Variants in TANC2 observed in about 807,000 individuals in gnomAD.
TANC2 encodes tetratricopeptide repeat, ankyrin repeat and coiled-coil containing 2.
In TANC2, 26 loss-of-function variants were observed where a neutral mutation model predicts 210.5. The ratio of observed to expected loss-of-function variants is 0.12; its 90% confidence interval spans 0.09 to 0.17. The LOEUF (loss-of-function observed/expected upper bound fraction) is 0.17, where lower values mean the gene tolerates loss of function less well. Ranked by LOEUF, TANC2 falls within the 10% of genes least tolerant of loss-of-function variation. TANC2 has a pLI of 1.00. For missense variants in TANC2, 2,129 were observed against 2,608.9 expected (o/e 0.82, Z 4.01); for synonymous variants, 931 against 967.1 (o/e 0.96, Z 0.69).
chr17:63,273,235 A>G (rs1324650296), intron 9 of TANC2, among the ~76,000 whole-genome samples: 1 of 152,166 alleles, frequency 6.6e-6, no homozygotes, highest in Admixed American at 6.5e-5. Context: ...ACAGTGAGCC[A>G]TGAGCCATTA....
Position 63,395,730 on chromosome 17 carries a change from CCT to C in TANC2, c.3052-9_3052-8del, listed in dbSNP as rs1291795497. The C allele has an allele frequency of 1.2e-6, 2 of 1,611,876 alleles. No individual in the cohort carries two copies. Among genetic ancestry groups the C allele is most frequent in the African/African-American group, 2.7e-5 (2 of 74,892 alleles). Reference sequence around the variant, plus strand: ...GTCTGTGTTCACACATATCTCCTGTCCTCTCCTCTTAGGTGGATCATTTGGAT... The same window carrying C: ...GTCTGTGTTCACACATATCTCCTGTCCTCCTCTTAGGTGGATCATTTGGAT... On this transcript the variant is annotated splice_polypyrimidine_tract_variant and intron_variant, in intron 17 of 27. Transcript: ENST00000689528.
intron 6 of TANC2, among the ~76,000 whole-genome samples, chr17:63,198,045 T>G (rs2041404022): frequency 6.6e-6 from 1 of 152,162 alleles, no homozygotes; most frequent in African/African-American, 2.4e-5. Flanking sequence ...AGAGTAAAAA[T>G]AAGTAAGTGC....
chr17:63,072,961 C>T (rs144453045), intron 2 of TANC2, among the ~76,000 whole-genome samples: 1,906 of 152,014 alleles, frequency 0.013, 7 homozygotes, highest in Non-Finnish European at 0.018. Flanking sequence ...AACAATAAAC[C>T]ATAGAATAAG....
At chr17:63,013,263 A>G (rs1357738734) in intron 2 of TANC2, among the ~76,000 whole-genome samples, 1 of 152,012 alleles carries the variant, frequency 6.6e-6, no homozygotes, top group African/African-American at 2.4e-5. Context: ...TTATGCGAGT[A>G]TAATTCTAGG....
chr17:63,307,392 G>A (rs905246230), intron 9 of TANC2, among the ~76,000 whole-genome samples: 1 of 152,042 alleles, frequency 6.6e-6, no homozygotes, highest in African/African-American at 2.4e-5. Context: ...CCTTTCCTAT[G>A]TTAGCAGGTG....
At chr17:63,314,868 G>A (rs1191460448) in intron 10 of TANC2, among the ~76,000 whole-genome samples, 199 bp downstream of exon 10, 1 of 152,150 alleles carries the variant, frequency 6.6e-6, no homozygotes, top group Non-Finnish European at 1.5e-5. Context: ...ACCTAAGCGT[G>A]ACTGAAGAAA....
chr17:63,033,903 AT>A (rs2034871781), intron 2 of TANC2, among the ~76,000 whole-genome samples: 1 of 152,056 alleles, frequency 6.6e-6, no homozygotes, highest in South Asian at 2.1e-4. Flanking sequence ...TTACTTTTTT[AT>A]TTTGGTGTTC....
At chr17:63,096,605 C>T (rs894848151) in intron 3 of TANC2, among the ~76,000 whole-genome samples, 1 of 152,114 alleles carries the variant, frequency 6.6e-6, no homozygotes, top group Non-Finnish European at 1.5e-5. Context: ...CTAGATAATA[C>T]TTCATTGTAT....
chr17:63,203,789 C>CA (rs1472917206), intron 7 of TANC2, among the ~76,000 whole-genome samples: 1 of 151,600 alleles, frequency 6.6e-6, no homozygotes, highest in Non-Finnish European at 1.5e-5. Flanking sequence ...AGCCAGTGGA[C>CA]ACCAAAAAAA....
At chr17:63,055,206 A>G (rs2035726614) in intron 2 of TANC2, among the ~76,000 whole-genome samples, 2 of 152,182 alleles carry the variant, frequency 1.3e-5, no homozygotes, top group South Asian at 4.1e-4. Context: ...CATAAATGAC[A>G]TTTCTTTACT....
rs951084078 is a variant in TANC2 at position 63,418,513 on chromosome 17, C to T, written c.4268+106C>T. 3 of 967,612 alleles carry T rather than the reference C, an allele frequency of 3.1e-6. No individual in the cohort carries two copies. The highest frequency in any genetic ancestry group is 4.6e-6 in the Non-Finnish European group (3 of 649,818). The allele number at this position is 967,612 out of a possible 1,614,324, so 59.9% of individuals were successfully genotyped here. On this transcript the variant is annotated intron_variant, in intron 27 of 27. Transcript: ENST00000689528. This position sits in a 1 kb window ranked among gnomAD's most constrained non-coding sequence, Gnocchi z 4.6. ...ATATGTACCCAAATACATCTCTGTC[C>T]TTGAGAACTGTCAGGGCCAAGCTTT... is the stretch of plus-strand genomic sequence containing the variant.
chr17:63,150,988 A>G (rs1258010848), intron 4 of TANC2: 1 of 151,812 alleles, frequency 6.6e-6, no homozygotes, highest in East Asian at 1.9e-4. Context: ...TCCAGTTTTC[A>G]GTGACTTTTA....
chr17:63,091,443 CCCAG>C (rs1421308847), intron 3 of TANC2, among the ~76,000 whole-genome samples: 6 of 152,166 alleles, frequency 3.9e-5, no homozygotes, highest in Admixed American at 6.6e-5. Flanking sequence ...AGCCAGTTTT[CCCAG>C]CCCCATTTAT....
chr17:63,131,493 A>T (rs993747036), intron 4 of TANC2, among the ~76,000 whole-genome samples: 1 of 152,000 alleles, frequency 6.6e-6, no homozygotes, highest in Non-Finnish European at 1.5e-5. Flanking sequence ...TTTCTTACCA[A>T]ATATCACATC....
intron 2 of TANC2, among the ~76,000 whole-genome samples, chr17:63,012,253 T>G (rs2033908349): frequency 6.6e-6 from 1 of 151,930 alleles, no homozygotes. Context: ...ACTCCTGGGG[T>G]CAAATGATCC....
At chr17:62,991,563 C>G (rs2032865792) in intron 1 of TANC2, among the ~76,000 whole-genome samples, 1 of 151,116 alleles carries the variant, frequency 6.6e-6, no homozygotes, top group Admixed American at 6.6e-5. Flanking sequence ...TGCCGTGAAC[C>G]TGGGAGGCGG....
At chr17:63,116,958 A>G (rs1339333227) in intron 4 of TANC2, 1 of 152,214 alleles carries the variant, frequency 6.6e-6, no homozygotes, top group Non-Finnish European at 1.5e-5. Flanking sequence ...GTATATTCAC[A>G]CAGCTCTGAT....
chr17:63,105,798 T>G (rs1276723270), intron 4 of TANC2, among the ~76,000 whole-genome samples: 1 of 151,612 alleles, frequency 6.6e-6, no homozygotes, highest in Admixed American at 6.6e-5. Flanking sequence ...TTCAGCATAC[T>G]TATAATACTG....
chr17:63,265,645 C>T (rs190597178), intron 8 of TANC2, among the ~76,000 whole-genome samples: 23 of 152,252 alleles, frequency 1.5e-4, no homozygotes, highest in African/African-American at 4.3e-4. Context: ...TAGTTGTGCT[C>T]AGACTCTCCT....
Sources: gnomAD v4.1 joint callset for allele counts (sites outside exome capture counted in the v4.1 genomes callset) on GRCh38, gnomAD v4.1.1 for gene constraint, Gnocchi (gnomAD v3.1) non-coding constraint, MANE v1.5 for transcripts, NCBI Gene and HGNC (gene_info 2026-07-23, HGNC 2026-07-21) for gene names.